GPR137B: variants seen among roughly 807,000 people sequenced by gnomAD.
The protein encoded by GPR137B is integral membrane protein GPR137B.
GPR137B carries 42 observed loss-of-function variants against 42.5 expected under a neutral mutation model. The ratio of observed to expected loss-of-function variants is 0.99; its 90% CI spans 0.77 to 1.28. GPR137B has a LOEUF of 1.28. Among genes scored for constraint, GPR137B ranks in the 50% most tolerant of loss-of-function variants. The pLI is 0.00. For synonymous variants in GPR137B, 218 were observed against 209.7 expected (o/e 1.04, Z -0.34); for missense variants, 487 against 493.9 (o/e 0.99, Z 0.13).
At chr1:236,199,269 T>C (rs917556640) in intron 5 of GPR137B, among the ~76,000 whole-genome samples, 1 of 152,208 alleles carries the variant, frequency 6.6e-6, no homozygotes, top group Non-Finnish European at 1.5e-5. Context: ...TGGTGGATTA[T>C]CTTTTTGATA....
intron 1 of GPR137B, among the ~76,000 whole-genome samples, chr1:236,164,209 A>T (rs1662279997): frequency 6.6e-6 from 1 of 152,202 alleles, no homozygotes; most frequent in African/African-American, 2.4e-5. Context: ...CCAGGGTCTG[A>T]TGCAGACTCA....
intron 5 of GPR137B, among the ~76,000 whole-genome samples, chr1:236,184,981 G>T (rs999415382): frequency 1.3e-5 from 2 of 152,074 alleles, no homozygotes; most frequent in Non-Finnish European, 2.9e-5. Flanking sequence ...TGGCCAGGCT[G>T]GTCTCGAACT....
chr1:236,170,997 G>GAA (rs57237561), intron 2 of GPR137B, among the ~76,000 whole-genome samples: 49,281 of 149,090 alleles, frequency 0.33, 11,176 homozygotes, highest in African/African-American at 0.63. Flanking sequence ...AAAGGAAAAA[G>GAA]ATATTTTTGT....
chr1:236,170,481 C>T (rs1309224148), intron 2 of GPR137B, among the ~76,000 whole-genome samples: 2 of 152,074 alleles, frequency 1.3e-5, no homozygotes, highest in Non-Finnish European at 2.9e-5. Context: ...TTGTTTTTCA[C>T]CTGATCTTGC....
Position 236,195,677 on chromosome 1 carries a change from C to T in GPR137B, c.967-9449C>T, listed in dbSNP as rs184323441. Among the ~76,000 whole-genome samples, 113 of 152,294 alleles carry T rather than the reference C, an allele frequency of 7.4e-4. 1 individual carries two copies. Among genetic ancestry groups the T allele is most frequent in the Non-Finnish European group, 1.2e-3 (80 of 68,026 alleles). ...CTCAATTTTTATTTTTGAGGAACTG[C>T]CAAACTGTTCTCCATAGTGGTTGTA... is the stretch of plus-strand genomic sequence containing the variant. On this transcript the variant is annotated intron_variant, in intron 5 of 6. Coordinates refer to ENST00000366592, the MANE Select transcript of GPR137B (RefSeq NM_003272.4).
At chr1:236,149,597 G>A (rs543698543) in intron 1 of GPR137B, among the ~76,000 whole-genome samples, 1 of 152,332 alleles carries the variant, frequency 6.6e-6, no homozygotes, top group African/African-American at 2.4e-5. Context: ...TAGTCAAGAC[G>A]TGTTTATCAA....
At chr1:236,182,068 A>G (rs1662900946) in intron 4 of GPR137B, among the ~76,000 whole-genome samples, 1 of 151,718 alleles carries the variant, frequency 6.6e-6, no homozygotes, top group Non-Finnish European at 1.5e-5. Context: ...ATTTTTTTGT[A>G]TTTTTAGTAG....
At chr1:236,170,584 C>T (rs1662505113) in intron 2 of GPR137B, among the ~76,000 whole-genome samples, 1 of 152,138 alleles carries the variant, frequency 6.6e-6, no homozygotes, top group Non-Finnish European at 1.5e-5. Context: ...ATGTTGGTCC[C>T]AAGGAGAGCA....
In GPR137B at chr1:236,155,226, C is replaced by T. The variant is rs1019083444; in HGVS notation, c.414+12190C>T. ...AGCTATTCCTGCGGGGCTTCCAGGG[C>T]GGAGGACACGGGCTGACACGGGCTG... On this transcript the variant is annotated intron_variant, in intron 1 of 6. Coordinates refer to ENST00000366592, the MANE Select transcript of GPR137B (RefSeq NM_003272.4). The surrounding 1 kb of genome is among the most constrained non-coding windows in gnomAD (Gnocchi z 4.6). Among the ~76,000 whole-genome samples, 13 of 152,174 alleles carry T rather than the reference C, an allele frequency of 8.5e-5. No homozygotes were observed. The highest frequency in any genetic ancestry group is 1.9e-4 in the East Asian group (1 of 5,186).
intron 4 of GPR137B, among the ~76,000 whole-genome samples, chr1:236,182,281 T>C (rs953000181): frequency 2.0e-5 from 3 of 152,190 alleles, no homozygotes; most frequent in Non-Finnish European, 4.4e-5. Context: ...TCTAGAATTT[T>C]TTCATCTTCC....
intron 5 of GPR137B, among the ~76,000 whole-genome samples, chr1:236,202,841 A>AGG (rs1231605289): frequency 6.6e-6 from 1 of 152,168 alleles, no homozygotes; most frequent in Non-Finnish European, 1.5e-5. Context: ...TCACAGTTTG[A>AGG]GGTCTTAGGT....
At chr1:236,195,667 T>G (rs1663312491) in intron 5 of GPR137B, among the ~76,000 whole-genome samples, 1 of 152,228 alleles carries the variant, frequency 6.6e-6, no homozygotes, top group South Asian at 2.1e-4. Flanking sequence ...TTTTTATTTT[T>G]GAGGAACTGC....
At chr1:236,189,431 T>C (rs1663126013) in intron 5 of GPR137B, among the ~76,000 whole-genome samples, 2 of 152,226 alleles carry the variant, frequency 1.3e-5, no homozygotes. Context: ...TTTAGATCTT[T>C]CCTGCTTTCT....
intron 2 of GPR137B, among the ~76,000 whole-genome samples, chr1:236,177,652 T>A (rs1662725565): frequency 1.3e-5 from 2 of 151,840 alleles, no homozygotes; most frequent in South Asian, 4.2e-4. Flanking sequence ...CACCTCCCGG[T>A]TCAAGTGATT....
At chr1:236,152,333 G>T (rs1484025350) in intron 1 of GPR137B, among the ~76,000 whole-genome samples, 1 of 152,044 alleles carries the variant, frequency 6.6e-6, no homozygotes, top group Non-Finnish European at 1.5e-5. Flanking sequence ...ATAGTGGCAT[G>T]CACCTGTAAT....
intron 5 of GPR137B, among the ~76,000 whole-genome samples, chr1:236,199,068 T>A (rs1313984680): frequency 6.6e-6 from 1 of 152,208 alleles, no homozygotes. Flanking sequence ...TTGATGTATG[T>A]CCCTTCTATG....
chr1:236,200,367 T>C (rs1210894830), intron 5 of GPR137B, among the ~76,000 whole-genome samples: 1 of 152,056 alleles, frequency 6.6e-6, no homozygotes, highest in Non-Finnish European at 1.5e-5. Context: ...GTTAAGTCCG[T>C]TTGTTCTAGG....
rs1661993394 is a variant in GPR137B, at chr1:236,155,375, G to A, written c.414+12339G>A. Among the ~76,000 whole-genome samples the A allele has an allele frequency of 1.3e-5, 2 of 152,204 alleles. No individual in the cohort carries two copies. The highest frequency in any genetic ancestry group is 4.8e-5 in the African/African-American group (2 of 41,450). On this transcript the variant is annotated intron_variant, in intron 1 of 6. Coordinates refer to ENST00000366592, the MANE Select transcript of GPR137B (RefSeq NM_003272.4). The surrounding 1 kb of genome is among the most constrained non-coding windows in gnomAD (Gnocchi z 4.6). ...CTAGAAAGGTCGATGGAGCTAACCA[G>A]GAACCAACAAAGTAGGTTCCTGAGG... is the stretch of plus-strand genomic sequence containing the variant.
At chr1:236,188,833 A>G (rs1663109731) in intron 5 of GPR137B, among the ~76,000 whole-genome samples, 2 of 152,234 alleles carry the variant, frequency 1.3e-5, no homozygotes, top group Admixed American at 6.5e-5. Flanking sequence ...TGCTGGCCTC[A>G]TAAAATGAGT....
Sources: gnomAD v4.1 joint callset for allele counts (sites outside exome capture counted in the v4.1 genomes callset) on GRCh38, gnomAD v4.1.1 for gene constraint, Gnocchi (gnomAD v3.1) non-coding constraint, MANE v1.5 for transcripts, NCBI Gene and HGNC (gene_info 2026-07-23, HGNC 2026-07-21) for gene names.